Variants in MTMR7 observed in about 807,000 individuals in gnomAD.
MTMR7 encodes the protein myotubularin related protein 7, also known as phosphatidylinositol-3-phosphate phosphatase MTMR7.
A neutral mutation model predicts 81.2 loss-of-function variants in MTMR7; 76 were observed. The ratio of observed to expected loss-of-function variants is 0.94; its 90% CI spans 0.78 to 1.13. The LOEUF (loss-of-function observed/expected upper bound fraction) is 1.13, where lower values mean the gene tolerates loss of function less well. Ranked by LOEUF, MTMR7 falls within the 50% of genes most tolerant of loss-of-function variation. The pLI is 0.00. For missense variants in MTMR7, 1,044 were observed against 820.0 expected (o/e 1.27, Z -3.34); for synonymous variants, 372 against 289.8 (o/e 1.28, Z -2.88).
chr8:17,397,030 C>G (rs908463731), intron 1 of MTMR7, among the ~76,000 whole-genome samples: 9 of 152,006 alleles, frequency 5.9e-5, no homozygotes, highest in Non-Finnish European at 1.2e-4. Flanking sequence ...CATTCATCAT[C>G]TGCTGACAAA....
chr8:17,308,313 A>G (rs1429852076), intron 10 of MTMR7, among the ~76,000 whole-genome samples: 1 of 152,146 alleles, frequency 6.6e-6, no homozygotes, highest in Non-Finnish European at 1.5e-5. Context: ...TGTAATATTA[A>G]TAGAACCCCA....
chr8:17,315,399 G>T (rs930633320), intron 7 of MTMR7, among the ~76,000 whole-genome samples: 1 of 92,814 alleles, frequency 1.1e-5, no homozygotes, highest in African/African-American at 5.0e-5. Flanking sequence ...TACGACAGTG[G>T]TTACATTTAT....
At chr8:17,401,620 G>A (rs935070810) in intron 1 of MTMR7, among the ~76,000 whole-genome samples, 2 of 152,152 alleles carry the variant, frequency 1.3e-5, no homozygotes, top group African/African-American at 4.8e-5. Flanking sequence ...CAGGGTGGTA[G>A]GAATGGAGGT....
intron 3 of MTMR7, among the ~76,000 whole-genome samples, chr8:17,366,840 C>G (rs938792146): frequency 7.0e-6 from 1 of 143,544 alleles, no homozygotes; most frequent in Non-Finnish European, 1.5e-5. Flanking sequence ...GAGCCGAGAT[C>G]GAGCCACTGC....
chr8:17,305,650 T>C (rs913412485), intron 11 of MTMR7, 107 bp downstream of exon 11: 3 of 898,514 alleles, frequency 3.3e-6, no homozygotes, highest in Non-Finnish European at 5.1e-6. Flanking sequence ...AGTATAGGTA[T>C]GTGACTAAAT....
intron 1 of MTMR7, among the ~76,000 whole-genome samples, chr8:17,401,902 A>G (rs530542059): frequency 3.3e-5 from 5 of 152,324 alleles, no homozygotes; most frequent in South Asian, 2.1e-4. Flanking sequence ...AATCTTATGC[A>G]TATTATGGAT....
intron 1 of MTMR7, among the ~76,000 whole-genome samples, chr8:17,381,079 A>G (rs1003086341): frequency 6.6e-6 from 1 of 152,164 alleles, no homozygotes; most frequent in Non-Finnish European, 1.5e-5. Flanking sequence ...CGCAAAAAAA[A>G]GCAAAAGGGT....
chr8:17,369,881 G>A (rs1820359564), intron 3 of MTMR7, among the ~76,000 whole-genome samples: 1 of 151,880 alleles, frequency 6.6e-6, no homozygotes, highest in South Asian at 2.1e-4. Context: ...TCCTGACTTT[G>A]CAATCCGCCT....
intron 5 of MTMR7, among the ~76,000 whole-genome samples, chr8:17,343,454 G>C (rs144516793): frequency 6.6e-6 from 1 of 152,040 alleles, no homozygotes. Context: ...ATTAGTTAAG[G>C]ACAGCTGCCA....
At chr8:17,368,668 A>G (rs933407671) in intron 3 of MTMR7, among the ~76,000 whole-genome samples, 2 of 152,150 alleles carry the variant, frequency 1.3e-5, no homozygotes, top group African/African-American at 4.8e-5. Flanking sequence ...AATATGCCCT[A>G]ATGTTAGCAA....
At chr8:17,308,312 A>C (rs1817597450) in intron 10 of MTMR7, among the ~76,000 whole-genome samples, 1 of 152,140 alleles carries the variant, frequency 6.6e-6, no homozygotes, top group African/African-American at 2.4e-5. Context: ...GTGTAATATT[A>C]ATAGAACCCC....
At chr8:17,338,490 T>G (rs1229064277) in intron 6 of MTMR7, among the ~76,000 whole-genome samples, 1 of 152,206 alleles carries the variant, frequency 6.6e-6, no homozygotes, top group Non-Finnish European at 1.5e-5. Context: ...CTTCCTTTTC[T>G]TATCTTGTCT....
intron 1 of MTMR7, among the ~76,000 whole-genome samples, chr8:17,396,126 T>C (rs1208068872): frequency 1.4e-5 from 2 of 148,034 alleles, no homozygotes; most frequent in African/African-American, 5.0e-5. Context: ...ATACGGTTTA[T>C]AAAAAAAAAA....
chr8:17,393,466 G>A (rs1052664564), intron 1 of MTMR7, among the ~76,000 whole-genome samples: 2 of 152,106 alleles, frequency 1.3e-5, no homozygotes, highest in South Asian at 2.1e-4. Flanking sequence ...ATATTTGCAA[G>A]TCACATATCG....
At chr8:17,409,657 A>G (rs779838513) in intron 1 of MTMR7, among the ~76,000 whole-genome samples, 4 of 152,248 alleles carry the variant, frequency 2.6e-5, no homozygotes, top group Non-Finnish European at 5.9e-5. Context: ...TTAAATGAAC[A>G]TAACTCAAAT....
Position 17,374,746 on chromosome 8 carries a change from G to A in MTMR7, c.25-1506C>T, listed in dbSNP as rs371152085. On this transcript the variant is annotated intron_variant, in intron 1 of 13. Coordinates refer to ENST00000180173, the MANE Select transcript of MTMR7 (RefSeq NM_004686.5). ...GAAAATCACTTGAACCCTGGAGGCA[G>A]AGGTTGCAGTGAGCCAAGATCGTGC... Among the ~76,000 whole-genome samples the A allele has an allele frequency of 8.5e-5, 13 of 152,312 alleles. 1 individual carries two copies. Among genetic ancestry groups the A allele is most frequent in the African/African-American group, 3.1e-4 (13 of 41,578 alleles).
chr8:17,300,792 C>T (rs2150456804), intron 13 of MTMR7, among the ~76,000 whole-genome samples: 1 of 152,356 alleles, frequency 6.6e-6, no homozygotes, highest in Non-Finnish European at 1.5e-5. Context: ...CCCACAGCCC[C>T]TGGCTACTAC....
chr8:17,334,662 G>A (rs1002308874), intron 6 of MTMR7, among the ~76,000 whole-genome samples: 1 of 152,206 alleles, frequency 6.6e-6, no homozygotes, highest in Non-Finnish European at 1.5e-5. Flanking sequence ...GCGTTAAGTG[G>A]AATCAAAAGA....
chr8:17,411,918 A>T (rs1821746148), intron 1 of MTMR7, among the ~76,000 whole-genome samples: 1 of 152,188 alleles, frequency 6.6e-6, no homozygotes, highest in African/African-American at 2.4e-5. Context: ...TCCCTTCATC[A>T]TGGAAGGAGG....
Sources: gnomAD v4.1 joint callset for allele counts (sites outside exome capture counted in the v4.1 genomes callset) on GRCh38, gnomAD v4.1.1 for gene constraint, MANE v1.5 for transcripts, NCBI Gene and HGNC (gene_info 2026-07-23, HGNC 2026-07-21) for gene names.